The following NDST4 variants were observed in gnomAD, a reference collection of about 807,000 sequenced individuals.
The protein encoded by NDST4 is N-heparan sulfate sulfotransferase 4.
A neutral mutation model predicts 100.8 loss-of-function variants in NDST4; 63 were observed. The ratio of observed to expected loss-of-function variants is 0.62; its 90% CI spans 0.51 to 0.77. NDST4 has a LOEUF of 0.77. NDST4 is among the 30% of genes least tolerant of loss of function. The pLI, the probability that NDST4 is intolerant of heterozygous loss-of-function variation, is 0.00. For missense variants in NDST4, 943 were observed against 1,018.4 expected (o/e 0.93, Z 1.01); for synonymous variants, 377 against 361.8 (o/e 1.04, Z -0.48).
chr4:114,963,217 G>A (rs1726302618), intron 4 of NDST4, among the ~76,000 whole-genome samples: 1 of 152,028 alleles, frequency 6.6e-6, no homozygotes, highest in African/African-American at 2.4e-5. Flanking sequence ...AAGAAAATAT[G>A]ATAGAGCCAT....
At chr4:114,945,448 T>G (rs1471637326) in intron 4 of NDST4, among the ~76,000 whole-genome samples, 2 of 152,182 alleles carry the variant, frequency 1.3e-5, no homozygotes, top group African/African-American at 4.8e-5. Flanking sequence ...ATATTTGAGA[T>G]AATATATCCC....
chr4:115,091,562 T>C (rs1333179956), intron 1 of NDST4, among the ~76,000 whole-genome samples: 1 of 152,152 alleles, frequency 6.6e-6, no homozygotes, highest in Admixed American at 6.6e-5. Flanking sequence ...CATTATAATT[T>C]ATTTGTAAAT....
intron 4 of NDST4, among the ~76,000 whole-genome samples, chr4:114,955,109 A>G (rs1726109451): frequency 1.3e-5 from 2 of 152,282 alleles, no homozygotes; most frequent in East Asian, 1.9e-4. Context: ...AGACTAATAC[A>G]TATATTATTT....
At chr4:114,937,667 T>C (rs1388213888) in intron 4 of NDST4, among the ~76,000 whole-genome samples, 164 bp from the exon 5 acceptor site, 1 of 152,200 alleles carries the variant, frequency 6.6e-6, no homozygotes, top group Admixed American at 6.5e-5. Flanking sequence ...CATAATCTTA[T>C]AGAACTCTGA....
chr4:114,929,016 C>T (rs924092365), intron 6 of NDST4, among the ~76,000 whole-genome samples: 36 of 148,214 alleles, frequency 2.4e-4, no homozygotes, highest in African/African-American at 9.0e-4. Flanking sequence ...CTCTATATCC[C>T]TATCTATCTG....
chr4:115,086,285 C>T (rs886113672), intron 1 of NDST4, among the ~76,000 whole-genome samples: 6 of 151,926 alleles, frequency 3.9e-5, no homozygotes, highest in Non-Finnish European at 8.8e-5. Context: ...GCAACCACTG[C>T]TACATAAATC....
chr4:114,984,142 CTATT>C (rs148008819), intron 2 of NDST4, among the ~76,000 whole-genome samples: 42,106 of 145,524 alleles, frequency 0.29, 6,208 homozygotes, highest in South Asian at 0.42. Context: ...CAAACTAATA[CTATT>C]TATTTATTTA....
At chr4:114,917,075 C>T (rs72681415) in intron 6 of NDST4, among the ~76,000 whole-genome samples, 10,205 of 152,034 alleles carry the variant, frequency 0.067, 551 homozygotes, top group East Asian at 0.31. Flanking sequence ...TCAAGTCCCT[C>T]ACATAAAATC....
chr4:115,069,308 G>C (rs1432496999), intron 2 of NDST4, among the ~76,000 whole-genome samples: 3 of 152,152 alleles, frequency 2.0e-5, no homozygotes, highest in Non-Finnish European at 4.4e-5. Context: ...ATGCAAACTT[G>C]AGCTGGCTCA....
intron 8 of NDST4, among the ~76,000 whole-genome samples, chr4:114,851,113 A>C (rs369873548): frequency 6.6e-6 from 1 of 152,190 alleles, no homozygotes; most frequent in Non-Finnish European, 1.5e-5. Context: ...TGCTTCTTGT[A>C]AGAGATGCAT....
intron 2 of NDST4, among the ~76,000 whole-genome samples, chr4:115,063,239 A>G (rs1345011713): frequency 2.6e-5 from 4 of 151,960 alleles, no homozygotes; most frequent in Non-Finnish European, 5.9e-5. Flanking sequence ...TCAGAAGACT[A>G]TTTGATTTAT....
chr4:114,848,449 CA>C lies in NDST4; in HGVS notation c.1817-112del, dbSNP rs1418032879. The C allele has an allele frequency of 4.7e-6, 4 of 847,252 alleles. No individual in the cohort carries two copies. In the African/African-American group the frequency reaches 6.9e-5, roughly 15 times the overall value. The allele number at this position is 847,252 out of a possible 1,614,324, so 52.5% of individuals were successfully genotyped here. Reference sequence around the variant, plus strand: ...TAAAATAATCAACTATTTCCAGTATCAAAGTGATTTCCTTAAAATCAACTAG... The same window carrying C: ...TAAAATAATCAACTATTTCCAGTATCAAGTGATTTCCTTAAAATCAACTAG... On this transcript the variant is annotated intron_variant, in intron 8 of 13. Transcript: ENST00000264363.
At chr4:115,061,353 G>A (rs142738849) in intron 2 of NDST4, among the ~76,000 whole-genome samples, 1,688 of 152,150 alleles carry the variant, frequency 0.011, 16 homozygotes, top group African/African-American at 0.02. Context: ...ATTTACAATA[G>A]CAAAGACTTG....
intron 2 of NDST4, among the ~76,000 whole-genome samples, chr4:115,007,762 T>C (rs1261020341): frequency 3.1e-5 from 4 of 129,504 alleles, no homozygotes; most frequent in Admixed American, 7.9e-5. Flanking sequence ...AGGAAGACTT[T>C]CTGGAATATG....
intron 6 of NDST4, among the ~76,000 whole-genome samples, chr4:114,922,018 C>T (rs981372498): frequency 1.3e-5 from 2 of 152,086 alleles, no homozygotes; most frequent in East Asian, 1.9e-4. Flanking sequence ...TAGTCAGACC[C>T]AGGCAGGGCA....
At chr4:114,892,788 T>C (rs1311439925) in intron 6 of NDST4, among the ~76,000 whole-genome samples, 1 of 151,882 alleles carries the variant, frequency 6.6e-6, no homozygotes, top group Admixed American at 6.6e-5. Context: ...TTTATTTATT[T>C]CTTCTTCTTA....
intron 8 of NDST4, among the ~76,000 whole-genome samples, chr4:114,848,949 G>A (rs535670599): frequency 4.6e-5 from 7 of 152,290 alleles, no homozygotes; most frequent in African/African-American, 1.7e-4. Flanking sequence ...CAATATATGA[G>A]AAAATGGGTG....
chr4:114,993,448 G>A (rs1052296671), intron 2 of NDST4, among the ~76,000 whole-genome samples: 2 of 151,898 alleles, frequency 1.3e-5, no homozygotes, highest in Admixed American at 6.6e-5. Context: ...TGGGTACCAA[G>A]TGGAGAAATC....
At chr4:115,101,880 A>G (rs1729737290) in intron 1 of NDST4, among the ~76,000 whole-genome samples, 1 of 152,172 alleles carries the variant, frequency 6.6e-6, no homozygotes, top group Admixed American at 6.6e-5. Flanking sequence ...CCATGGACTG[A>G]CGTCATTAGG....
Sources: allele counts gnomAD v4.1 joint callset (sites outside exome capture counted in the v4.1 genomes callset), GRCh38; gene constraint gnomAD v4.1.1; transcripts MANE v1.5; gene names NCBI Gene and HGNC (gene_info 2026-07-23, HGNC 2026-07-21).